RPTOR: variants seen among roughly 807,000 people sequenced by gnomAD.
RPTOR encodes regulatory associated protein of MTOR complex 1.
In RPTOR, 21 loss-of-function variants were observed where a neutral mutation model predicts 169.9. That is an observed-to-expected ratio of 0.12 (90% CI 0.09 to 0.18). The LOEUF (loss-of-function observed/expected upper bound fraction) is 0.18, where lower values mean the gene tolerates loss of function less well. Ranked by LOEUF, RPTOR falls within the 10% of genes least tolerant of loss-of-function variation. RPTOR has a pLI of 1.00. For missense variants in RPTOR, 1,133 were observed against 1,855.9 expected (o/e 0.61, Z 7.16); for synonymous variants, 732 against 753.2 (o/e 0.97, Z 0.46).
At chr17:80,620,146 A>G (rs1039996501) in intron 1 of RPTOR, among the ~76,000 whole-genome samples, 7 of 152,354 alleles carry the variant, frequency 4.6e-5, no homozygotes, top group Admixed American at 4.6e-4. Flanking sequence ...ATTTACCGTC[A>G]TGTCCAAGGC....
chr17:80,614,632 G>A (rs1457584341), intron 1 of RPTOR, among the ~76,000 whole-genome samples: 1 of 152,176 alleles, frequency 6.6e-6, no homozygotes, highest in Non-Finnish European at 1.5e-5. Flanking sequence ...AATATTTCGG[G>A]CAATTAGAAT....
At chr17:80,700,706 G>GTGGTGGTGA (rs1567864602) in intron 3 of RPTOR, among the ~76,000 whole-genome samples, 3 of 26,614 alleles carry the variant, frequency 1.1e-4, no homozygotes, top group Non-Finnish European at 1.6e-4. Context: ...GATGGTGGTG[G>GTGGTGGTGA]TGATGGTGGT....
intron 1 of RPTOR, among the ~76,000 whole-genome samples, chr17:80,591,594 G>A (rs1449280310): frequency 1.3e-5 from 2 of 151,848 alleles, no homozygotes; most frequent in Non-Finnish European, 1.5e-5. Context: ...GCCCAGGGTG[G>A]TCTCGAACTC....
chr17:80,714,844 C>T (rs2066226566), intron 4 of RPTOR, among the ~76,000 whole-genome samples: 1 of 152,222 alleles, frequency 6.6e-6, no homozygotes. Context: ...CTGCCTCAGC[C>T]TCCCAAGTGG....
chr17:80,590,212 T>C, intron 1 of RPTOR, among the ~76,000 whole-genome samples: 1 of 151,554 alleles, frequency 6.6e-6, no homozygotes, highest in African/African-American at 2.4e-5. Context: ...GTGCACACAG[T>C]GTCTTTAATG....
At chr17:80,631,153 T>C (rs937671602) in intron 2 of RPTOR, among the ~76,000 whole-genome samples, 1 of 152,186 alleles carries the variant, frequency 6.6e-6, no homozygotes, top group Non-Finnish European at 1.5e-5. Flanking sequence ...GTGTGTTCTA[T>C]GCCCATGGTG....
intron 1 of RPTOR, among the ~76,000 whole-genome samples, chr17:80,617,171 C>T (rs1215808076): frequency 6.6e-6 from 1 of 152,164 alleles, no homozygotes; most frequent in African/African-American, 2.4e-5. Context: ...GAATCATCCA[C>T]GTTCCTCTGA....
At chr17:80,899,667 C>T (rs1398203739) in intron 20 of RPTOR, among the ~76,000 whole-genome samples, 2 of 152,262 alleles carry the variant, frequency 1.3e-5, no homozygotes, top group Non-Finnish European at 2.9e-5. Flanking sequence ...TTCCCCAACA[C>T]TGCCAGTGTG....
chr17:80,927,765 G>A (rs937045028), intron 24 of RPTOR, among the ~76,000 whole-genome samples: 3 of 148,120 alleles, frequency 2.0e-5, no homozygotes, highest in Admixed American at 6.8e-5. Context: ...TATTTGTTCC[G>A]GTGTGTGCAA....
chr17:80,944,212 G>C (rs749149914), intron 25 of RPTOR, among the ~76,000 whole-genome samples: 1 of 152,182 alleles, frequency 6.6e-6, no homozygotes, highest in Non-Finnish European at 1.5e-5. Flanking sequence ...TTCTGTAATA[G>C]ATCCCTCAGT....
chr17:80,700,643 G>GTGA (rs2066083938), intron 3 of RPTOR, among the ~76,000 whole-genome samples: 5 of 7,538 alleles, frequency 6.6e-4, no homozygotes, highest in East Asian at 5.1e-3. Flanking sequence ...GATGATGGTG[G>GTGA]TGGTGATGGT....
intron 9 of RPTOR, among the ~76,000 whole-genome samples, chr17:80,831,442 C>A (rs1010078676): frequency 6.6e-6 from 1 of 152,266 alleles, no homozygotes; most frequent in Non-Finnish European, 1.5e-5. Flanking sequence ...CTTAGACACT[C>A]TCACCACGTC....
rs1470634631 is a variant in RPTOR, at chr17:80,860,717, C to T, written c.1509+2817C>T. Among the ~76,000 whole-genome samples the T allele has an allele frequency of 6.6e-6, 1 of 152,048 alleles. No homozygotes were observed. Among genetic ancestry groups the T allele is most frequent in the Non-Finnish European group, 1.5e-5 (1 of 68,026 alleles). ...TTCCCTGGGATTTTCTGCTAGTTCA[C>T]TGGTTCTTGTAGATTCCCTAGGATT... is the stretch of plus-strand genomic sequence containing the variant. On this transcript the variant is annotated intron_variant, in intron 13 of 33. Transcript: ENST00000306801. This position sits in a 1 kb window ranked among gnomAD's most constrained non-coding sequence, Gnocchi z 5.8.
In RPTOR at chr17:80,844,652, G is replaced by A. The variant is rs1309069952; in HGVS notation, c.1213-1821G>A. 1.1e-4 allele frequency among the ~76,000 whole-genome samples: 17 copies of A among 152,200 alleles called. No individual in the cohort carries two copies. The highest frequency in any genetic ancestry group is 2.9e-5 in the Non-Finnish European group (2 of 68,044). Reference sequence around the variant, plus strand: ...GCTGCACAGGAGCACGGATTCCTACGTGGTGAATGTTCTCGGCTGACTTTT... The same window carrying A: ...GCTGCACAGGAGCACGGATTCCTACATGGTGAATGTTCTCGGCTGACTTTT... On this transcript the variant is annotated intron_variant, in intron 10 of 33. Transcript: ENST00000306801. The surrounding 1 kb of genome is among the most constrained non-coding windows in gnomAD (Gnocchi z 4.7).
At chr17:80,782,258 G>A (rs1034884660) in intron 6 of RPTOR, among the ~76,000 whole-genome samples, 2 of 152,222 alleles carry the variant, frequency 1.3e-5, no homozygotes, top group African/African-American at 4.8e-5. Flanking sequence ...CTGGGATGTA[G>A]GGGAAGGCTC....
At chr17:80,942,603 C>T (rs372253750) in intron 25 of RPTOR, among the ~76,000 whole-genome samples, 2 of 152,008 alleles carry the variant, frequency 1.3e-5, no homozygotes, top group Non-Finnish European at 2.9e-5. Context: ...CCTCTGTCCT[C>T]GGAATTCGGA....
chr17:80,605,393 G>A (rs1277080076), intron 1 of RPTOR, among the ~76,000 whole-genome samples: 1 of 152,164 alleles, frequency 6.6e-6, no homozygotes. Flanking sequence ...GGGAGGTGGT[G>A]GGTGACAGAG....
intron 3 of RPTOR, among the ~76,000 whole-genome samples, chr17:80,648,290 A>G (rs1233596648): frequency 6.6e-5 from 10 of 152,102 alleles, no homozygotes; most frequent in Admixed American, 6.6e-4. Context: ...AGTGGTGGGC[A>G]GTTTTGGTTC....
intron 3 of RPTOR, among the ~76,000 whole-genome samples, chr17:80,685,640 T>TG (rs1598220639): frequency 9.7e-6 from 1 of 102,770 alleles, no homozygotes; most frequent in African/African-American, 3.5e-5. Context: ...TTTTTTTTTT[T>TG]TTTTTTTTTT....
Sources: gnomAD v4.1 joint callset for allele counts (sites outside exome capture counted in the v4.1 genomes callset) on GRCh38, gnomAD v4.1.1 for gene constraint, Gnocchi (gnomAD v3.1) non-coding constraint, MANE v1.5 for transcripts, NCBI Gene and HGNC (gene_info 2026-07-23, HGNC 2026-07-21) for gene names.